Variants in KIAA1671 observed in about 807,000 individuals in gnomAD.
KIAA1671 encodes KIAA1671.
Under a neutral mutation model 131.2 loss-of-function variants are expected in KIAA1671, and 52 were observed. That is an observed-to-expected ratio of 0.40 (90% CI 0.32 to 0.50). The LOEUF is 0.50. Ranked by LOEUF, KIAA1671 falls within the 20% of genes least tolerant of loss-of-function variation. The pLI is 0.73. For synonymous variants in KIAA1671, 1,003 were observed against 961.6 expected (o/e 1.04, Z -0.80); for missense variants, 2,360 against 2,364.2 (o/e 1.00, Z 0.04).
At chr22:25,091,369 A>G (rs1211833714) in intron 6 of KIAA1671, among the ~76,000 whole-genome samples, 4 of 152,092 alleles carry the variant, frequency 2.6e-5, no homozygotes, top group Non-Finnish European at 5.9e-5. Flanking sequence ...GGTCCATTCT[A>G]TTTCAAGCAA....
At chr22:25,116,729 C>G (rs1931685555) in intron 6 of KIAA1671, among the ~76,000 whole-genome samples, 1 of 152,128 alleles carries the variant, frequency 6.6e-6, no homozygotes, top group Non-Finnish European at 1.5e-5. Flanking sequence ...CCCCCTCAGT[C>G]AGTATTTACT....
intron 12 of KIAA1671, 120 bp downstream of exon 12, chr22:25,190,904 G>A (rs987761516): frequency 1.4e-6 from 1 of 692,636 alleles, no homozygotes; most frequent in Non-Finnish European, 2.5e-6. Flanking sequence ...GGCTGTGTAA[G>A]GGGAAGAATG....
chr22:25,011,629 CTTTTCTTTTTTT>C (rs373017611), intron 1 of KIAA1671: 25,280 of 135,794 alleles, frequency 0.19, 2,616 homozygotes, highest in Middle Eastern at 0.28. Flanking sequence ...TCTTTCTTTT[CTTTTCTTTTTTT>C]TTTTTTTTTT....
chr22:25,103,941 T>G (rs1394126745), intron 6 of KIAA1671, among the ~76,000 whole-genome samples: 2 of 152,180 alleles, frequency 1.3e-5, no homozygotes, highest in African/African-American at 4.8e-5. Context: ...AAATCCTCCA[T>G]TAGTGGTTAT....
intron 1 of KIAA1671, among the ~76,000 whole-genome samples, chr22:25,003,392 T>C (rs1385910898): frequency 2.7e-5 from 4 of 150,366 alleles, no homozygotes; most frequent in Non-Finnish European, 5.9e-5. Context: ...CTCCTTTCAC[T>C]TGGAGAGATT....
At chr22:25,157,284 G>A (rs1601365994) in intron 6 of KIAA1671, among the ~76,000 whole-genome samples, 1 of 152,308 alleles carries the variant, frequency 6.6e-6, no homozygotes, top group African/African-American at 2.4e-5. Context: ...CTAGAGACAA[G>A]TATGATTGCA....
At chr22:25,001,922 AAT>A (rs1049651737) in intron 1 of KIAA1671, among the ~76,000 whole-genome samples, 5 of 151,942 alleles carry the variant, frequency 3.3e-5, no homozygotes, top group East Asian at 1.9e-4. Flanking sequence ...ATGTTATATA[AAT>A]ATATGATATA....
intron 1 of KIAA1671, among the ~76,000 whole-genome samples, chr22:24,985,685 TGAGGGAGGAAGA>T (rs1406292068): frequency 1.3e-5 from 2 of 151,678 alleles, no homozygotes; most frequent in Non-Finnish European, 2.9e-5. Flanking sequence ...CAGCGCCTTT[TGAGGGAGGAAGA>T]GAGGGAGGGA....
intron 6 of KIAA1671, among the ~76,000 whole-genome samples, chr22:25,131,542 T>TC (rs963503179): frequency 1.1e-4 from 16 of 152,206 alleles, no homozygotes; most frequent in African/African-American, 3.9e-4. Flanking sequence ...CCTGGCCTGG[T>TC]CAGGCGCACA....
At chr22:25,065,391 G>A (rs1928412121) in intron 6 of KIAA1671, 1 of 152,102 alleles carries the variant, frequency 6.6e-6, no homozygotes, top group Admixed American at 6.5e-5. Flanking sequence ...ATGTCACTGA[G>A]CCATTCCTCA....
chr22:25,130,236 T>G (rs1210898719), intron 6 of KIAA1671, among the ~76,000 whole-genome samples: 10 of 152,246 alleles, frequency 6.6e-5, no homozygotes, highest in Admixed American at 5.2e-4. Context: ...AGGTATAGCT[T>G]GAGTTTTGAC....
intron 6 of KIAA1671, among the ~76,000 whole-genome samples, chr22:25,068,658 G>A (rs561189970): frequency 9.2e-5 from 14 of 152,268 alleles, no homozygotes; most frequent in East Asian, 1.9e-4. Context: ...GGATGGTCTC[G>A]ATCTCCTGAC....
At chr22:25,117,636 C>G (rs944889200) in intron 6 of KIAA1671, among the ~76,000 whole-genome samples, 26 of 144,534 alleles carry the variant, frequency 1.8e-4, no homozygotes, top group Admixed American at 1.4e-3. Flanking sequence ...CACACACACA[C>G]AGACACACTG....
intron 3 of KIAA1671, 54 bp downstream of exon 3, chr22:25,029,594 G>T: frequency 7.5e-7 from 1 of 1,338,108 alleles, no homozygotes; most frequent in South Asian, 1.5e-5. Context: ...CACACCCTGA[G>T]GAAGACGGAA....
At chr22:25,113,411 T>G (rs1182396857) in intron 6 of KIAA1671, among the ~76,000 whole-genome samples, 1 of 152,158 alleles carries the variant, frequency 6.6e-6, no homozygotes, top group East Asian at 1.9e-4. Context: ...GTTGGCCCAG[T>G]TTATGGGAGC....
chr22:25,143,186 A>G (rs1932830947), intron 6 of KIAA1671, among the ~76,000 whole-genome samples: 1 of 152,238 alleles, frequency 6.6e-6, no homozygotes. Context: ...CCTTCCCTTC[A>G]GGGAGTTGCC....
At position 25,196,006 on chromosome 22, in the gene KIAA1671, T is replaced by C. The variant is rs1447794394; in HGVS notation, c.*3605T>C. 1 of 152,124 alleles carries C rather than the reference T, an allele frequency of 6.6e-6. No homozygotes were observed. The highest frequency in any genetic ancestry group is 1.5e-5 in the Non-Finnish European group (1 of 68,036). The allele number at this position is 152,124 out of a possible 1,614,324, so 9.4% of individuals were successfully genotyped here. A position where few individuals can be genotyped will look rare whatever the true frequency, so the allele number is the denominator to read the frequency against. On this transcript the variant is annotated 3_prime_UTR_variant, in exon 13 of 13. Coordinates refer to ENST00000358431, the MANE Select transcript of KIAA1671 (RefSeq NM_001145206.2). The stretch of plus-strand genomic sequence containing the variant: ...TCGGTCCCATTAGCGAGTGGGGGAC[T>C]CTTGCTGTGTGCTAAGAGGCTGCTA...
Position 25,039,637 on chromosome 22 carries a change from C to T in KIAA1671, c.2507C>T (p.Ala836Val). The T allele has an allele frequency of 1.3e-6, 2 of 1,547,782 alleles. No individual in the cohort carries two copies. The highest frequency in any genetic ancestry group is 1.7e-6 in the Non-Finnish European group (2 of 1,144,216). The change falls in exon 5 of 13, where the codon GCA becomes GTA. Residue 836 changes from alanine (A) to valine (V), a missense_variant. Ala to Val is a moderately conservative substitution (Grantham distance 64). Around this residue, in one of 3 missense-constraint regions of KIAA1671, gnomAD observed 1,185 missense variants for 1,126.2 expected, o/e 1.05. Coordinates refer to ENST00000358431, the MANE Select transcript of KIAA1671 (RefSeq NM_001145206.2). ...AVVSSHKATV[A>V]VSEEHCAPGA... ...GTGAGCTCGCACAAAGCCACCGTGGCAGTCAGCGAAGAGCACTGTGCTCCC... is the reference window on the plus strand; with the variant it reads ...GTGAGCTCGCACAAAGCCACCGTGGTAGTCAGCGAAGAGCACTGTGCTCCC...
At chr22:25,137,929 C>T (rs570933411) in intron 6 of KIAA1671, among the ~76,000 whole-genome samples, 120 of 152,276 alleles carry the variant, frequency 7.9e-4, no homozygotes, top group African/African-American at 2.6e-3. Context: ...GAATTAGAAC[C>T]GAGGCCTGTT....
Sources: allele counts gnomAD v4.1 joint callset (sites outside exome capture counted in the v4.1 genomes callset), GRCh38; gene constraint gnomAD v4.1.1; regional missense constraint gnomAD v4.1.1; transcripts MANE v1.5; gene names NCBI Gene and HGNC (gene_info 2026-07-23, HGNC 2026-07-21).